MYO1E: variants seen among roughly 807,000 people sequenced by gnomAD.
MYO1E encodes the protein myosin IE.
MYO1E carries 68 observed loss-of-function variants against 151.1 expected under a neutral mutation model. That is an observed-to-expected ratio of 0.45 (90% CI 0.37 to 0.55). The LOEUF is 0.55. Among genes scored for constraint, MYO1E ranks in the 20% least tolerant of loss-of-function variants. The probability of loss-of-function intolerance (pLI) is 0.00; values close to 1 mark genes in which losing one functional copy is unlikely to be tolerated. For missense variants in MYO1E, 1,363 were observed against 1,389.3 expected (o/e 0.98, Z 0.30); for synonymous variants, 601 against 501.7 (o/e 1.20, Z -2.64).
intron 1 of MYO1E, among the ~76,000 whole-genome samples, chr15:59,274,669 T>G (rs551397517): frequency 6.6e-6 from 1 of 152,218 alleles, no homozygotes; most frequent in African/African-American, 2.4e-5. Context: ...TATGTTTGTA[T>G]TGATCCGAAG....
chr15:59,227,325 C>T, intron 7 of MYO1E, 134 bp downstream of exon 7: 2 of 1,063,560 alleles, frequency 1.9e-6, no homozygotes, highest in South Asian at 2.7e-5. Flanking sequence ...CACAATTCTG[C>T]ACATTGACTT....
At chr15:59,300,782 G>C (rs932360817) in intron 1 of MYO1E, among the ~76,000 whole-genome samples, 21 of 152,024 alleles carry the variant, frequency 1.4e-4, no homozygotes, top group African/African-American at 4.8e-4. Flanking sequence ...GCTCTAAGAA[G>C]CTAGCCAAAC....
At chr15:59,186,714 T>A (rs1032178) in intron 18 of MYO1E, among the ~76,000 whole-genome samples, 5 of 152,050 alleles carry the variant, frequency 3.3e-5, no homozygotes, top group African/African-American at 9.7e-5. Context: ...ATTGCACCAC[T>A]GCACTCCTGA....
intron 19 of MYO1E, among the ~76,000 whole-genome samples, chr15:59,175,666 GAATA>G (rs2079620433): frequency 6.6e-6 from 1 of 152,204 alleles, no homozygotes; most frequent in Non-Finnish European, 1.5e-5. Flanking sequence ...CCTGTTGTAA[GAATA>G]TCCATTGATA....
chr15:59,147,051 A>C (rs1288096307), intron 26 of MYO1E, among the ~76,000 whole-genome samples: 1 of 152,226 alleles, frequency 6.6e-6, no homozygotes, highest in Non-Finnish European at 1.5e-5. Flanking sequence ...GCTCTGCAAG[A>C]GAAGTCCTAT....
At chr15:59,343,646 C>A (rs2080777850) in intron 1 of MYO1E, among the ~76,000 whole-genome samples, 1 of 152,054 alleles carries the variant, frequency 6.6e-6, no homozygotes, top group Non-Finnish European at 1.5e-5. Context: ...CTTGGATTTG[C>A]CCTTCTGAAG....
Position 59,217,683 on chromosome 15 carries a change from C to T in MYO1E, c.1107+208G>A, listed in dbSNP as rs1214131629. Among the ~76,000 whole-genome samples, 3 of 151,588 alleles carry T rather than the reference C, an allele frequency of 2.0e-5. No individual in the cohort carries two copies. In the East Asian group the frequency reaches 5.8e-4, roughly 29 times the overall value. ...CTGGGACCACAGGCACATGCCACCA[C>T]ACCTGGCTAATTTTTGTGTTTTTTT... is the stretch of plus-strand genomic sequence containing the variant. On this transcript the variant is annotated intron_variant, in intron 10 of 27. Transcript: ENST00000288235.
chr15:59,145,797 C>A (rs2079437827), intron 26 of MYO1E, among the ~76,000 whole-genome samples: 1 of 152,202 alleles, frequency 6.6e-6, no homozygotes, highest in African/African-American at 2.4e-5. Context: ...CCCAACTCCG[C>A]ACTCAGTAGT....
intron 1 of MYO1E, among the ~76,000 whole-genome samples, chr15:59,294,369 A>G (rs1017082053): frequency 1.7e-4 from 26 of 152,292 alleles, no homozygotes; most frequent in African/African-American, 6.3e-4. Flanking sequence ...ATTTTTGATA[A>G]ATCACCTCTT....
chr15:59,226,729 C>T (rs1011519877), intron 7 of MYO1E, among the ~76,000 whole-genome samples: 4 of 152,176 alleles, frequency 2.6e-5, no homozygotes, highest in Admixed American at 6.5e-5. Flanking sequence ...ATCATTTGAG[C>T]CCAGGATGCA....
intron 26 of MYO1E, among the ~76,000 whole-genome samples, chr15:59,146,481 A>G (rs944649505): frequency 6.6e-6 from 1 of 151,758 alleles, no homozygotes; most frequent in African/African-American, 2.4e-5. Flanking sequence ...ACGCCCGACT[A>G]ATTTTTGTAT....
At chr15:59,254,195 AAAAAC>A (rs199845549) in intron 4 of MYO1E, among the ~76,000 whole-genome samples, 1 of 151,986 alleles carries the variant, frequency 6.6e-6, no homozygotes, top group African/African-American at 2.4e-5. Flanking sequence ...GCTTTATTAA[AAAAAC>A]AAAACAAAAC....
chr15:59,322,161 T>C (rs1394207479), intron 1 of MYO1E, among the ~76,000 whole-genome samples: 3 of 147,228 alleles, frequency 2.0e-5, no homozygotes, highest in Non-Finnish European at 4.5e-5. Flanking sequence ...GGCAACAGAG[T>C]AAGACTCTGT....
chr15:59,361,751 C>T (rs1162395539), intron 1 of MYO1E, among the ~76,000 whole-genome samples: 1 of 152,070 alleles, frequency 6.6e-6, no homozygotes, highest in Non-Finnish European at 1.5e-5. Context: ...CTGACTCAGT[C>T]GTCTCCCTTT....
At chr15:59,333,351 ACC>A in intron 1 of MYO1E, among the ~76,000 whole-genome samples, 1 of 152,062 alleles carries the variant, frequency 6.6e-6, no homozygotes, top group East Asian at 1.9e-4. Context: ...GTGATCCTCC[ACC>A]ACAGCAACCC....
chr15:59,203,165 G>A (rs1220620478), intron 15 of MYO1E, among the ~76,000 whole-genome samples: 1 of 152,192 alleles, frequency 6.6e-6, no homozygotes, highest in Non-Finnish European at 1.5e-5. Flanking sequence ...GGGCACCATT[G>A]GTATCTGCGG....
At chr15:59,197,848 G>C (rs2079777315) in intron 16 of MYO1E, among the ~76,000 whole-genome samples, 1 of 152,186 alleles carries the variant, frequency 6.6e-6, no homozygotes, top group Non-Finnish European at 1.5e-5. Flanking sequence ...CAATAGCTAT[G>C]GGTCAACTTT....
At chr15:59,252,584 G>A (rs2080171384) in intron 4 of MYO1E, among the ~76,000 whole-genome samples, 1 of 152,070 alleles carries the variant, frequency 6.6e-6, no homozygotes, top group Non-Finnish European at 1.5e-5. Flanking sequence ...ATGTGGTGGC[G>A]TGTGCCTGTA....
intron 14 of MYO1E, 70 bp downstream of exon 14, chr15:59,208,611 T>C: frequency 1.9e-6 from 3 of 1,569,492 alleles, no homozygotes; most frequent in Non-Finnish European, 2.6e-6. Flanking sequence ...TATGATTTGC[T>C]TCATGAGAAA....
Sources: gnomAD v4.1 joint callset for allele counts (sites outside exome capture counted in the v4.1 genomes callset) on GRCh38, gnomAD v4.1.1 for gene constraint, MANE v1.5 for transcripts, NCBI Gene and HGNC (gene_info 2026-07-23, HGNC 2026-07-21) for gene names.